PIGA: variants seen among roughly 807,000 people sequenced by gnomAD.
PIGA encodes the protein phosphatidylinositol glycan anchor biosynthesis class A.
PIGA carries 3 observed loss-of-function variants against 17.1 expected under a neutral mutation model. The ratio of observed to expected loss-of-function variants is 0.18; its 90% CI spans 0.08 to 0.45. The LOEUF is 0.45. PIGA is among the 20% of genes least tolerant of loss of function. The pLI is 0.99. For synonymous variants in PIGA, 126 were observed against 135.1 expected, an observed-to-expected ratio of 0.93 and a Z score of 0.47; for missense variants, 231 against 374.1, an observed-to-expected ratio of 0.62 and a Z score of 3.16.
chrX:15,328,074 C>G (rs1922040366), intron 2 of PIGA: 1 of 98,783 alleles, frequency 1.0e-5, no homozygotes, highest in Admixed American at 1.1e-4. Context: ...AAAGCTCAGT[C>G]TAACAATATT....
In PIGA at chrX:15,331,836, G is replaced by T; in HGVS notation, c.95C>A (p.Thr32Asn). Residue 32 changes from threonine to asparagine, a missense_variant, in exon 2 of 6, where the codon ACC (threonine) becomes AAC (asparagine). Thr to Asn is a moderately conservative substitution (Grantham distance 65). This residue lies in a region of PIGA where 29 missense variants were observed against 28.1 expected (regional missense o/e 1.03). Transcript: ENST00000333590. ...GTCAGATACCATGCATATATTATGG[G>T]TACGGGTTCTACATGTGTAAAGACT... ...PGSLYTCRTR[T>N]HNICMVSDFF... 8.3e-7 allele frequency: 1 copy of T among 1,211,739 alleles called. No individual in the cohort carries two copies. The highest frequency in any genetic ancestry group is 1.1e-6 in the Non-Finnish European group (1 of 895,373).
intron 5 of PIGA, among the ~76,000 whole-genome samples, chrX:15,322,683 C>A (rs1921852489): frequency 9.0e-6 from 1 of 111,600 alleles, no homozygotes; most frequent in Admixed American, 9.5e-5. Context: ...GGTCAACAGC[C>A]CTTGAAAGGT....
At chrX:15,325,682 CA>C (rs2147718214) in intron 3 of PIGA, 1 of 246,643 alleles carries the variant, frequency 4.1e-6, no homozygotes, top group East Asian at 7.0e-5. Context: ...GTGCCTCCAA[CA>C]ATGGCCCCCC....
chrX:15,328,773 C>A (rs751644316), intron 2 of PIGA: 3 of 112,009 alleles, frequency 2.7e-5, no homozygotes, highest in South Asian at 7.4e-4. Flanking sequence ...GTAAAGGTAA[C>A]AGGTTTAATC....
chrX:15,333,409 G>A (rs142320414), intron 1 of PIGA, among the ~76,000 whole-genome samples: 1,620 of 111,862 alleles, frequency 0.014, 28 homozygotes, highest in African/African-American at 0.049. Flanking sequence ...GGCCGGGTGC[G>A]GTGGCTCACG....
chrX:15,323,636 T>C (rs902521104), intron 5 of PIGA, among the ~76,000 whole-genome samples: 5 of 112,105 alleles, frequency 4.5e-5, no homozygotes, highest in African/African-American at 1.6e-4. Flanking sequence ...ATGGAAAATG[T>C]ATAAGACAAT....
At position 15,331,604 on chromosome X, in the gene PIGA, A is replaced by G. The variant is rs113204630; in HGVS notation, c.327T>C (p.Ser109=). The G allele has an allele frequency of 8.2e-7, 1 of 1,212,155 alleles. No individual in the cohort carries two copies. The highest frequency in any genetic ancestry group is 1.8e-5 in the South Asian group (1 of 57,033). Residue 109 remains serine (S), a synonymous_variant, in exon 2 of 6, where the codon AGT becomes AGC. Coordinates refer to ENST00000333590, the MANE Select transcript of PIGA (RefSeq NM_002641.4). ...CAAATATGTACCTGAGCAATGGCAG[A>G]CTGTGAAAGAGGGTCGTGGCTGTAG... is the stretch of plus-strand genomic sequence containing the variant. ...NQSTATTLFH[S]LPLLRYIFVR...
At chrX:15,332,990 T>C (rs1922212511) in intron 1 of PIGA, among the ~76,000 whole-genome samples, 1 of 111,573 alleles carries the variant, frequency 9.0e-6, no homozygotes, top group Non-Finnish European at 1.9e-5. Flanking sequence ...CGTCTTGGGG[T>C]GGTTTGGTAA....
At chrX:15,333,271 C>T (rs1922221251) in intron 1 of PIGA, among the ~76,000 whole-genome samples, 1 of 112,583 alleles carries the variant, frequency 8.9e-6, no homozygotes, top group Non-Finnish European at 1.9e-5. Flanking sequence ...GCTAGCATTA[C>T]CTTTGTGGTT....
rs1483342111 is a variant in PIGA, at chrX:15,319,576, C to T, written c.*1930G>A. On this transcript the variant is annotated 3_prime_UTR_variant, in exon 6 of 6. Coordinates refer to ENST00000333590, the MANE Select transcript of PIGA (RefSeq NM_002641.4). ...TACAATATATTTTTCACAAATTTCT[C>T]ATCACTGTAAATTCACTTTAAAATC... 1.2e-4 allele frequency: 14 copies of T among 112,106 alleles called. No individual in the cohort carries two copies. The highest frequency in any genetic ancestry group is 2.3e-4 in the Non-Finnish European group (12 of 53,213). 9.2% of individuals were successfully genotyped at this position (112,106 alleles called of 1,213,427 possible).
At chrX:15,329,797 C>G (rs1165620606) in intron 2 of PIGA, among the ~76,000 whole-genome samples, 1 of 111,403 alleles carries the variant, frequency 9.0e-6, no homozygotes, top group Non-Finnish European at 1.9e-5. Context: ...AAAAAACAGC[C>G]TCCTTGGCCA....
At position 15,326,110 on chromosome X, in the gene PIGA, G is replaced by C. The variant is rs1602208947; in HGVS notation, c.716-64C>G. 9.3e-6 allele frequency: 7 copies of C among 755,438 alleles called. No individual in the cohort carries two copies. The East Asian group carries it at 2.4e-4, about 26-fold the overall frequency. 62.3% of individuals were successfully genotyped at this position (755,438 alleles called of 1,213,427 possible). On this transcript the variant is annotated intron_variant, in intron 2 of 5. Transcript: ENST00000333590. ...TAAACTTAAAAAAATTCACCAGAAC[G>C]ACTGAGAATCCACTTATTTTGAAAA...
chrX:15,322,005 T>A (rs1302439106), intron 5 of PIGA, among the ~76,000 whole-genome samples: 1 of 112,005 alleles, frequency 8.9e-6, no homozygotes, highest in Non-Finnish European at 1.9e-5. Flanking sequence ...GACACCGGGC[T>A]AGAGGCTGTG....
At chrX:15,327,432 G>A (rs922434529) in intron 2 of PIGA, among the ~76,000 whole-genome samples, 2 of 111,307 alleles carry the variant, frequency 1.8e-5, no homozygotes, top group Admixed American at 1.9e-4. Context: ...TATAAAATAG[G>A]AGAAATGACA....
intron 1 of PIGA, among the ~76,000 whole-genome samples, chrX:15,334,946 T>TA (rs1922288703): frequency 1.8e-5 from 2 of 112,040 alleles, no homozygotes; most frequent in South Asian, 7.5e-4. Flanking sequence ...CCCAGCCACT[T>TA]AAAGTGGCAA....
At chrX:15,334,924 C>G (rs1922288225) in intron 1 of PIGA, among the ~76,000 whole-genome samples, 1 of 112,074 alleles carries the variant, frequency 8.9e-6, no homozygotes, top group Admixed American at 9.4e-5. Context: ...AGTGATTTGT[C>G]CAAGGTTCCC....
At chrX:15,330,463 A>C (rs1297812044) in intron 2 of PIGA, among the ~76,000 whole-genome samples, 1 of 112,665 alleles carries the variant, frequency 8.9e-6, no homozygotes, top group Non-Finnish European at 1.9e-5. Context: ...AATACTCATT[A>C]GGGTATCTCT....
chrX:15,328,289 T>C (rs985395678), intron 2 of PIGA: 2 of 112,112 alleles, frequency 1.8e-5, no homozygotes, highest in African/African-American at 6.5e-5. Context: ...AAATGAGGTA[T>C]TGTACCACGA....
At chrX:15,333,640 C>T (rs759255949) in intron 1 of PIGA, among the ~76,000 whole-genome samples, 4 of 112,291 alleles carry the variant, frequency 3.6e-5, no homozygotes, top group Non-Finnish European at 5.6e-5. Flanking sequence ...GAGATCGCGC[C>T]GCTGCACTCC....
Sources: allele counts gnomAD v4.1 joint callset (sites outside exome capture counted in the v4.1 genomes callset), GRCh38; gene constraint gnomAD v4.1.1; regional missense constraint gnomAD v4.1.1; transcripts MANE v1.5; gene names NCBI Gene and HGNC (gene_info 2026-07-23, HGNC 2026-07-21).